PRKG1: variants seen among roughly 807,000 people sequenced by gnomAD.
The protein encoded by PRKG1 is cGMP-dependent protein kinase 1.
In PRKG1, 35 loss-of-function variants were observed where a neutral mutation model predicts 88.1. That is an observed-to-expected ratio of 0.40 (90% confidence interval 0.30 to 0.53). The LOEUF (loss-of-function observed/expected upper bound fraction) is 0.53, where lower values mean the gene tolerates loss of function less well. Ranked by LOEUF, PRKG1 falls within the 20% of genes least tolerant of loss-of-function variation. PRKG1 has a pLI of 0.59. For missense variants in PRKG1, 540 were observed against 839.8 expected (o/e 0.64, Z 4.41); for synonymous variants, 303 against 292.5 (o/e 1.04, Z -0.37).
At chr10:51,146,013 GAAAAAACA>G (rs1451951425) in intron 1 of PRKG1, among the ~76,000 whole-genome samples, 90 of 151,574 alleles carry the variant, frequency 5.9e-4, no homozygotes, top group Non-Finnish European at 1.2e-3. Flanking sequence ...CTAAAAATAC[GAAAAAACA>G]AACAAACAAA....
At chr10:51,516,182 G>A (rs981408590) in intron 3 of PRKG1, among the ~76,000 whole-genome samples, 1 of 152,130 alleles carries the variant, frequency 6.6e-6, no homozygotes, top group Admixed American at 6.6e-5. Flanking sequence ...GGAGAGAAGG[G>A]AGCTGGAATG....
At chr10:51,859,528 A>T (rs1840813776) in intron 4 of PRKG1, among the ~76,000 whole-genome samples, 1 of 152,078 alleles carries the variant, frequency 6.6e-6, no homozygotes, top group Non-Finnish European at 1.5e-5. Context: ...AGGAAAAAAG[A>T]AAGAAAATAA....
chr10:51,902,853 G>C (rs76564557), intron 4 of PRKG1, among the ~76,000 whole-genome samples: 4,431 of 152,210 alleles, frequency 0.029, 215 homozygotes, highest in African/African-American at 0.1. Context: ...GAAATAATAA[G>C]TGAAAAAGGC....
intron 6 of PRKG1, among the ~76,000 whole-genome samples, chr10:52,057,415 A>G (rs1050653937): frequency 6.6e-6 from 1 of 152,196 alleles, no homozygotes; most frequent in African/African-American, 2.4e-5. Context: ...CTACACTTCA[A>G]TCACTCCGTT....
At chr10:51,462,262 T>C (rs942381204) in intron 2 of PRKG1, among the ~76,000 whole-genome samples, 45 of 152,190 alleles carry the variant, frequency 3.0e-4, no homozygotes, top group Admixed American at 1.0e-3. Context: ...CCAAGATTTC[T>C]GGAACTAAGC....
intron 3 of PRKG1, among the ~76,000 whole-genome samples, chr10:51,518,075 T>C (rs890841522): frequency 2.6e-4 from 40 of 152,322 alleles, no homozygotes; most frequent in African/African-American, 9.1e-4. Flanking sequence ...CTTGGCTCAC[T>C]GCAACTCTGC....
At chr10:51,793,110 C>T (rs1838912641) in intron 3 of PRKG1, among the ~76,000 whole-genome samples, 1 of 124,780 alleles carries the variant, frequency 8.0e-6, no homozygotes, top group Non-Finnish European at 1.6e-5. Flanking sequence ...AATTCAAAAT[C>T]TCTATTTTAA....
rs539762250 is a variant in PRKG1, at chr10:52,111,594, CA to C, written c.936-22245del. On this transcript the variant is annotated intron_variant, in intron 7 of 17. Coordinates refer to ENST00000373980, the MANE Select transcript of PRKG1 (RefSeq NM_006258.4). Reference sequence around the variant, plus strand: ...GACGTATGATCTGGATTGTGTATGTCAGTGAGAATGCTTTAATCCTATCTAA... The same window carrying C: ...GACGTATGATCTGGATTGTGTATGTCGTGAGAATGCTTTAATCCTATCTAA... Among the ~76,000 whole-genome samples, 281 of 152,242 alleles carry C rather than the reference CA, an allele frequency of 1.8e-3. 2 individuals carry two copies. The highest frequency in any genetic ancestry group is 2.9e-3 in the Non-Finnish European group (195 of 68,018).
rs185676834 is a variant in PRKG1 at position 51,464,291 on chromosome 10, A to G, written c.479-3432A>G. On this transcript the variant is annotated intron_variant, in intron 2 of 17. Coordinates refer to ENST00000373980, the MANE Select transcript of PRKG1 (RefSeq NM_006258.4). ...TGAGCGAGACTCCATCTCAAAAAAA[A>G]AAGCAGTGCTTTTTGGATCATTCTC... Among the ~76,000 whole-genome samples, 1,103 of 152,216 alleles carry G rather than the reference A, an allele frequency of 7.2e-3. 6 individuals are homozygous for G. Among genetic ancestry groups the G allele is most frequent in the Middle Eastern group, 0.01 (3 of 294 alleles).
At chr10:52,217,352 C>CTATATATA (rs76704412) in intron 9 of PRKG1, among the ~76,000 whole-genome samples, 2 of 150,046 alleles carry the variant, frequency 1.3e-5, no homozygotes, top group South Asian at 2.1e-4. Flanking sequence ...ATCTATCTAT[C>CTATATATA]TATATATATA....
At chr10:51,286,336 G>C (rs16916246) in intron 2 of PRKG1, among the ~76,000 whole-genome samples, 25,529 of 152,134 alleles carry the variant, frequency 0.17, 2,476 homozygotes, top group African/African-American at 0.26. Context: ...AAGAAAGTGA[G>C]TACAGCATGG....
chr10:51,661,010 A>C (rs1171378027), intron 3 of PRKG1, among the ~76,000 whole-genome samples: 4 of 141,434 alleles, frequency 2.8e-5, no homozygotes, highest in Non-Finnish European at 6.3e-5. Context: ...AGCCCATTTC[A>C]TTCTGTGAGC....
intron 3 of PRKG1, among the ~76,000 whole-genome samples, chr10:51,606,004 G>A (rs1012853835): frequency 5.3e-5 from 8 of 152,072 alleles, no homozygotes; most frequent in African/African-American, 1.2e-4. Context: ...TAGCTAACAC[G>A]ACACCTGGTA....
At chr10:52,251,895 A>G in intron 10 of PRKG1, 1 of 436,046 alleles carries the variant, frequency 2.3e-6, no homozygotes, top group Non-Finnish European at 4.1e-6. Flanking sequence ...TTTTTAGAAA[A>G]CCTCTTCATA....
At chr10:52,052,424 A>AATAAT (rs1846009366) in intron 5 of PRKG1, among the ~76,000 whole-genome samples, 1 of 150,228 alleles carries the variant, frequency 6.7e-6, no homozygotes, top group Admixed American at 6.7e-5. Context: ...AAAAAAAATA[A>AATAAT]AATAATAATA....
At position 51,628,851 on chromosome 10, in the gene PRKG1, C is replaced by T. The variant is rs1839444087; in HGVS notation, c.592+161015C>T. Among the ~76,000 whole-genome samples the T allele has an allele frequency of 2.6e-5, 4 of 151,078 alleles. No homozygotes were observed. The South Asian group carries it at 6.3e-4, about 24-fold the overall frequency. On this transcript the variant is annotated intron_variant, in intron 3 of 17. Coordinates refer to ENST00000373980, the MANE Select transcript of PRKG1 (RefSeq NM_006258.4). ...GCGGGCGCCTGTGGTCCCAGCTACT[C>T]GGGAGGCTGAGGCAGGAGAATGGCG... is the stretch of plus-strand genomic sequence containing the variant.
chr10:52,176,047 C>A (rs116155599), intron 9 of PRKG1, among the ~76,000 whole-genome samples: 1,949 of 151,860 alleles, frequency 0.013, 48 homozygotes, highest in African/African-American at 0.045. Flanking sequence ...GTTTTTGAGG[C>A]CTTATTCAAA....
intron 3 of PRKG1, among the ~76,000 whole-genome samples, chr10:51,692,038 G>GC (rs1224907231): frequency 6.6e-6 from 1 of 152,164 alleles, no homozygotes; most frequent in Non-Finnish European, 1.5e-5. Context: ...TATAGGCTTA[G>GC]CCAAAGATAG....
chr10:51,003,556 C>G (rs959514846), intron 1 of PRKG1, among the ~76,000 whole-genome samples: 1 of 152,224 alleles, frequency 6.6e-6, no homozygotes. Flanking sequence ...TATGAGCATA[C>G]GCTAAATCTC....
Sources: gnomAD v4.1 joint callset for allele counts (sites outside exome capture counted in the v4.1 genomes callset) on GRCh38, gnomAD v4.1.1 for gene constraint, MANE v1.5 for transcripts, NCBI Gene and HGNC (gene_info 2026-07-23, HGNC 2026-07-21) for gene names.